The following DOCK2 variants were observed in gnomAD, a reference collection of about 807,000 sequenced individuals.
DOCK2 encodes dedicator of cytokinesis protein 2.
A neutral mutation model predicts 248.9 loss-of-function variants in DOCK2; 87 were observed. The ratio of observed to expected loss-of-function variants is 0.35; its 90% CI spans 0.29 to 0.42. DOCK2 has a LOEUF of 0.42. Ranked by LOEUF, DOCK2 falls within the 10% of genes least tolerant of loss-of-function variation. The pLI is 1.00. For missense variants in DOCK2, 1,747 were observed against 2,300.2 expected (o/e 0.76, Z 4.92); for synonymous variants, 805 against 821.6 (o/e 0.98, Z 0.35).
chr5:170,022,264 T>A (rs1046673608), intron 33 of DOCK2, among the ~76,000 whole-genome samples: 8 of 152,164 alleles, frequency 5.3e-5, no homozygotes, highest in Non-Finnish European at 1.0e-4. Flanking sequence ...AGACAAAGAT[T>A]TTCTCAAGCC....
intron 27 of DOCK2, among the ~76,000 whole-genome samples, chr5:169,860,356 C>T (rs1457981857): frequency 3.3e-5 from 5 of 152,082 alleles, no homozygotes; most frequent in African/African-American, 1.2e-4. Context: ...TTACTTCAAT[C>T]CACAAATGAC....
chr5:169,899,935 AG>A, intron 27 of DOCK2, among the ~76,000 whole-genome samples: 1 of 152,308 alleles, frequency 6.6e-6, no homozygotes, highest in East Asian at 1.9e-4. Flanking sequence ...ACTGATTTTC[AG>A]TTATGTCATT....
intron 26 of DOCK2, among the ~76,000 whole-genome samples, chr5:169,804,437 A>AGTGTGT (rs55660700): frequency 0.012 from 1,648 of 134,614 alleles, 10 homozygotes; most frequent in South Asian, 0.027. Context: ...AGAGCTACAA[A>AGTGTGT]GTGTGTGTGT....
At chr5:169,687,519 C>CAT (rs1760053175) in intron 8 of DOCK2, among the ~76,000 whole-genome samples, 1 of 152,108 alleles carries the variant, frequency 6.6e-6, no homozygotes, top group Non-Finnish European at 1.5e-5. Flanking sequence ...TTGCTGAATC[C>CAT]CGTTATGCCT....
intron 26 of DOCK2, among the ~76,000 whole-genome samples, chr5:169,803,718 C>T (rs1162683473): frequency 2.0e-5 from 3 of 151,840 alleles, no homozygotes; most frequent in African/African-American, 7.3e-5. Context: ...TGCCTGTGGC[C>T]GTGAAGTTAC....
intron 27 of DOCK2, among the ~76,000 whole-genome samples, chr5:169,956,552 A>G (rs1407103379): frequency 6.6e-6 from 1 of 152,244 alleles, no homozygotes; most frequent in Non-Finnish European, 1.5e-5. Context: ...GAAAGGTATC[A>G]TCTACCTTTT....
chr5:169,837,174 A>T (rs992339716), intron 26 of DOCK2, among the ~76,000 whole-genome samples: 1 of 152,162 alleles, frequency 6.6e-6, no homozygotes, highest in African/African-American at 2.4e-5. Flanking sequence ...AAGAAAAAAA[A>T]ATCACTACAA....
At chr5:169,803,281 C>A in intron 26 of DOCK2, 75 bp downstream of exon 26, 1 of 1,534,978 alleles carries the variant, frequency 6.5e-7, no homozygotes. Flanking sequence ...AATATTGATA[C>A]TGATGGATAG....
intron 6 of DOCK2, among the ~76,000 whole-genome samples, chr5:169,681,209 C>T (rs968172628): frequency 2.7e-5 from 4 of 149,122 alleles, no homozygotes; most frequent in African/African-American, 5.0e-5. Flanking sequence ...CTGCAACTTC[C>T]GCCTCCCAGG....
chr5:169,700,086 A>G lies in DOCK2; in HGVS notation c.1205A>G (p.Asp402Gly), dbSNP rs1332833228. Residue 402 changes from aspartate (D) to glycine (G), a missense_variant, in exon 13 of 52, where the codon GAC becomes GGC. Physicochemically the swap from Asp to Gly is moderately conservative, Grantham distance 94 (BLOSUM62 -1). Coordinates refer to ENST00000520908, the MANE Select transcript of DOCK2 (RefSeq NM_004946.3). ...CGCAAGGACTATCCACACCTGGTGG[A>G]CAGGACCACCGTGGTGGCCAGGAAG... The part of the protein sequence containing the change: ...QIRKDYPHLV[D>G]RTTVVARKLG... The G allele has an allele frequency of 6.2e-7, 1 of 1,614,060 alleles. No individual in the cohort carries two copies. Among genetic ancestry groups the G allele is most frequent in the Non-Finnish European group, 8.5e-7 (1 of 1,179,942 alleles).
intron 27 of DOCK2, among the ~76,000 whole-genome samples, chr5:169,948,686 TCACTG>T (rs1166748402): frequency 6.6e-6 from 1 of 151,230 alleles, no homozygotes; most frequent in Non-Finnish European, 1.5e-5. Context: ...TGATTATGGC[TCACTG>T]CAGTCTGGAA....
At chr5:169,812,547 A>G (rs1561722862) in intron 26 of DOCK2, among the ~76,000 whole-genome samples, 1 of 152,246 alleles carries the variant, frequency 6.6e-6, no homozygotes, top group Non-Finnish European at 1.5e-5. Context: ...GTCTTCCATG[A>G]AACTGGTCCC....
rs377344048 is a variant in DOCK2, at chr5:170,063,911, G to A, written c.4468-3599G>A. 1.9e-4 allele frequency among the ~76,000 whole-genome samples: 29 copies of A among 152,248 alleles called. 1 individual carries two copies. The East Asian group carries it at 5.0e-3, about 26-fold the overall frequency. On this transcript the variant is annotated intron_variant, in intron 44 of 51. Coordinates refer to ENST00000520908, the MANE Select transcript of DOCK2 (RefSeq NM_004946.3). ...AGGGCAGAGAGAGTGAGAGGTAATC[G>A]CCCATGCTCAGCTTCACCATGAAGA...
intron 27 of DOCK2, among the ~76,000 whole-genome samples, chr5:169,925,658 C>T (rs12657308): frequency 0.15 from 22,244 of 149,002 alleles, 1,878 homozygotes; most frequent in Admixed American, 0.26. Flanking sequence ...GGTTGTGTGA[C>T]CTGTGGGACT....
At chr5:169,985,801 C>G in intron 28 of DOCK2, 27 bp from the exon 29 acceptor site, 1 of 1,577,416 alleles carries the variant, frequency 6.3e-7, no homozygotes, top group Non-Finnish European at 8.6e-7. Context: ...AACAGGATGA[C>G]ATGTGTGCTG....
At chr5:170,020,007 G>A (rs992905001) in intron 33 of DOCK2, among the ~76,000 whole-genome samples, 1 of 152,010 alleles carries the variant, frequency 6.6e-6, no homozygotes, top group Admixed American at 6.6e-5. Flanking sequence ...ATTCCAAACT[G>A]CCTTTCCTTA....
At chr5:169,786,856 A>G (rs1381989376) in intron 25 of DOCK2, among the ~76,000 whole-genome samples, 1 of 152,234 alleles carries the variant, frequency 6.6e-6, no homozygotes, top group African/African-American at 2.4e-5. Context: ...ATATAGAAAA[A>G]TGCACACATC....
intron 27 of DOCK2, among the ~76,000 whole-genome samples, chr5:169,926,560 G>T (rs1012969059): frequency 6.6e-6 from 1 of 152,196 alleles, no homozygotes; most frequent in African/African-American, 2.4e-5. Flanking sequence ...GCTGGAAGGT[G>T]GGGGCAGTGA....
At chr5:169,949,091 T>C (rs1056368031) in intron 27 of DOCK2, among the ~76,000 whole-genome samples, 19 of 152,244 alleles carry the variant, frequency 1.2e-4, no homozygotes, top group Non-Finnish European at 2.6e-4. Flanking sequence ...AGCATGTGGA[T>C]AAAAGTGTAT....
Sources: allele counts gnomAD v4.1 joint callset (sites outside exome capture counted in the v4.1 genomes callset), GRCh38; gene constraint gnomAD v4.1.1; transcripts MANE v1.5; gene names NCBI Gene and HGNC (gene_info 2026-07-23, HGNC 2026-07-21).